Variants in MICAL2 observed in about 807,000 individuals in gnomAD.
MICAL2 encodes the protein microtubule associated monooxygenase, calponin and LIM domain containing 2.
A neutral mutation model predicts 127.3 loss-of-function variants in MICAL2; 77 were observed. That is an observed-to-expected ratio of 0.60 (90% CI 0.50 to 0.73). The LOEUF (loss-of-function observed/expected upper bound fraction) is 0.73, where lower values mean the gene tolerates loss of function less well. Ranked by LOEUF, MICAL2 falls within the 30% of genes least tolerant of loss-of-function variation. The probability of loss-of-function intolerance (pLI) is 0.00; values close to 1 mark genes in which losing one functional copy is unlikely to be tolerated. For synonymous variants in MICAL2, 570 were observed against 551.1 expected (o/e 1.03, Z -0.48); for missense variants, 1,351 against 1,434.4 (o/e 0.94, Z 0.94).
rs186618105 is a variant in MICAL2, at chr11:12,143,695, G to A, written c.-78+5235G>A. 4.8e-3 allele frequency among the ~76,000 whole-genome samples: 730 copies of A among 152,284 alleles called. 8 individuals are homozygous for A. Among genetic ancestry groups the A allele is most frequent in the Middle Eastern group, 0.02 (6 of 294 alleles). On this transcript the variant is annotated intron_variant, in intron 2 of 27. Transcript: ENST00000683283. ...AGCAAACACCCTTGTGAGTTCCTGC[G>A]CAGATTGACTCTCCAGGGATCATTT...
intron 2 of MICAL2, among the ~76,000 whole-genome samples, chr11:12,144,005 C>A (rs1366820194): frequency 6.6e-6 from 1 of 151,828 alleles, no homozygotes; most frequent in Non-Finnish European, 1.5e-5. Flanking sequence ...TCCTGCACAC[C>A]CCCACTTTAA....
chr11:12,190,367 A>C (rs978222368), intron 3 of MICAL2, among the ~76,000 whole-genome samples: 2 of 152,170 alleles, frequency 1.3e-5, no homozygotes, highest in African/African-American at 4.8e-5. Flanking sequence ...CCCCCAGAAG[A>C]TGGATCAAGG....
At chr11:12,142,589 T>C (rs1852456524) in intron 2 of MICAL2, among the ~76,000 whole-genome samples, 1 of 152,242 alleles carries the variant, frequency 6.6e-6, no homozygotes, top group African/African-American at 2.4e-5. Context: ...TAAACCAGAA[T>C]GGAAACCACT....
At chr11:12,235,324 A>G (rs1329343318) in intron 15 of MICAL2, among the ~76,000 whole-genome samples, 1 of 152,130 alleles carries the variant, frequency 6.6e-6, no homozygotes, top group East Asian at 1.9e-4. Flanking sequence ...GGGTGATGCA[A>G]TGGGCTTGGG....
At chr11:12,302,869 TCTGTATTAGTTCTCACA>T (rs550809030) in intron 29 of MICAL2, among the ~76,000 whole-genome samples, 153 of 152,328 alleles carry the variant, frequency 1.0e-3, no homozygotes, top group African/African-American at 3.4e-3. Context: ...ATCAATACTT[TCTGTATTAGTTCTCACA>T]CTGCTATGAA....
At chr11:12,114,869 C>T (rs28669253) in intron 1 of MICAL2, among the ~76,000 whole-genome samples, 10,143 of 152,248 alleles carry the variant, frequency 0.067, 624 homozygotes, top group East Asian at 0.28. Context: ...GAGACAGCTG[C>T]GTTTGTGCCT....
Position 12,243,657 on chromosome 11 carries a change from G to A in MICAL2, c.2659-330G>A, listed in dbSNP as rs117104822. Among the ~76,000 whole-genome samples, 6 of 152,188 alleles carry A rather than the reference G, an allele frequency of 3.9e-5. No homozygotes were observed. The South Asian group carries it at 6.2e-4, about 16-fold the overall frequency. On this transcript the variant is annotated intron_variant, in intron 20 of 27. Transcript: ENST00000683283. ...CCCAGGGTTCTCCTCTCCTAAGCTC[G>A]CAGCTGCTACTTCATACCAAGCTCC...
rs756963148 is a variant in MICAL2 at position 12,209,642 on chromosome 11, G to T, written c.691+44G>T. The T allele has an allele frequency of 2.0e-6, 3 of 1,519,242 alleles. No homozygotes were observed. The South Asian group carries it at 3.4e-5, about 17-fold the overall frequency. The allele number at this position is 1,519,242 out of a possible 1,614,324, so 94.1% of individuals were successfully genotyped here. A position where few individuals can be genotyped will look rare whatever the true frequency, so the allele number is the denominator to read the frequency against. On this transcript the variant is annotated intron_variant, in intron 6 of 27. Transcript: ENST00000683283. ...GGTGTGGGAATGGGGGGATGGGAAT[G>T]GGAGAGGGTACATTGGGGAAGAGTT... is the stretch of plus-strand genomic sequence containing the variant.
intron 3 of MICAL2, among the ~76,000 whole-genome samples, chr11:12,194,431 G>A (rs1414347041): frequency 6.6e-6 from 1 of 152,120 alleles, no homozygotes; most frequent in Non-Finnish European, 1.5e-5. Flanking sequence ...TGAACTGATA[G>A]GCTTTAACAG....
At chr11:12,142,353 T>C (rs1590052537) in intron 2 of MICAL2, among the ~76,000 whole-genome samples, 1 of 152,138 alleles carries the variant, frequency 6.6e-6, no homozygotes. Context: ...TGTCTTGGGG[T>C]GAAAGATTAA....
chr11:12,246,130 T>G (rs1413588440), intron 21 of MICAL2, among the ~76,000 whole-genome samples: 2 of 152,230 alleles, frequency 1.3e-5, no homozygotes, highest in Non-Finnish European at 2.9e-5. Context: ...ATACCCTGAC[T>G]TGGTTTCCAC....
At chr11:12,298,995 T>C (rs1230254793) in intron 29 of MICAL2, among the ~76,000 whole-genome samples, 1 of 152,254 alleles carries the variant, frequency 6.6e-6, no homozygotes, top group Non-Finnish European at 1.5e-5. Context: ...ATATGATTTC[T>C]GTATGTGCTA....
intron 7 of MICAL2, 22 bp downstream of exon 7, chr11:12,213,432 C>T: frequency 2.5e-6 from 4 of 1,608,244 alleles, no homozygotes; most frequent in Non-Finnish European, 3.4e-6. Flanking sequence ...ACCTTTCTCC[C>T]AACCAGGCCA....
intron 33 of MICAL2, among the ~76,000 whole-genome samples, chr11:12,352,513 C>G: frequency 6.6e-6 from 1 of 152,226 alleles, no homozygotes; most frequent in East Asian, 1.9e-4. Context: ...GTAGGAAGGA[C>G]TTTCCTCTCC....
chr11:12,255,915 C>A (rs535177916), intron 23 of MICAL2, 165 bp downstream of exon 23: 5 of 567,468 alleles, frequency 8.8e-6, no homozygotes, highest in Non-Finnish European at 1.3e-5. Flanking sequence ...TTAAAAGGAG[C>A]CTGCTTTTCC....
chr11:12,306,435 T>A (rs1864110315), intron 29 of MICAL2, among the ~76,000 whole-genome samples: 1 of 152,222 alleles, frequency 6.6e-6, no homozygotes, highest in African/African-American at 2.4e-5. Flanking sequence ...TGAATTCATC[T>A]ACTCTACCAA....
chr11:12,223,571 A>C, intron 12 of MICAL2, 70 bp downstream of exon 12: 3 of 1,381,660 alleles, frequency 2.2e-6, no homozygotes, highest in Admixed American at 1.7e-5. Flanking sequence ...CTGCTCAGTG[A>C]CCGTGGTGAC....
downstream of MICAL2, chr11:12,358,542 C>T (rs1194188230): frequency 1.3e-6 from 2 of 1,489,492 alleles, no homozygotes; most frequent in Non-Finnish European, 1.9e-6. Context: ...GTGCACCACA[C>T]ACCCTCATGG....
intron 3 of MICAL2, among the ~76,000 whole-genome samples, chr11:12,184,433 C>T (rs900381343): frequency 2.0e-5 from 3 of 152,262 alleles, no homozygotes; most frequent in South Asian, 2.1e-4. Flanking sequence ...CCACAGAGGC[C>T]GAAAATGTGG....
Sources: allele counts gnomAD v4.1 joint callset (sites outside exome capture counted in the v4.1 genomes callset), GRCh38; gene constraint gnomAD v4.1.1; transcripts MANE v1.5; gene names NCBI Gene and HGNC (gene_info 2026-07-23, HGNC 2026-07-21).